PEX14: variants seen among roughly 807,000 people sequenced by gnomAD.
The protein encoded by PEX14 is peroxisomal biogenesis factor 14, also known as peroxisomal membrane protein PEX14.
Under a neutral mutation model 49.5 loss-of-function variants are expected in PEX14, and 15 were observed. The observed-to-expected ratio is 0.30, with a 90% CI of 0.20 to 0.47. The LOEUF (loss-of-function observed/expected upper bound fraction) is 0.47, where lower values mean the gene tolerates loss of function less well. PEX14 is among the 20% of genes least tolerant of loss of function. The probability of loss-of-function intolerance (pLI) is 1.00; values close to 1 mark genes in which losing one functional copy is unlikely to be tolerated. For synonymous variants in PEX14, 210 were observed against 212.7 expected, an observed-to-expected ratio of 0.99 and a Z score of 0.11; for missense variants, 398 against 494.8, an observed-to-expected ratio of 0.80 and a Z score of 1.86.
intron 3 of PEX14, among the ~76,000 whole-genome samples, chr1:10,574,833 G>A (rs1433280469): frequency 3.3e-5 from 5 of 152,272 alleles, no homozygotes; most frequent in South Asian, 4.1e-4. Context: ...AGAATTGGCC[G>A]GGTGTGGTGG....
At chr1:10,549,400 G>T (rs1327308017) in intron 3 of PEX14, among the ~76,000 whole-genome samples, 1 of 152,200 alleles carries the variant, frequency 6.6e-6, no homozygotes, top group African/African-American at 2.4e-5. Flanking sequence ...AAAGAACACA[G>T]GTCGAATTTG....
chr1:10,608,350 G>A (rs1487797967), intron 4 of PEX14, among the ~76,000 whole-genome samples: 1 of 152,154 alleles, frequency 6.6e-6, no homozygotes, highest in Non-Finnish European at 1.5e-5. Context: ...TATCCGCATT[G>A]AGTTACATGT....
intron 3 of PEX14, among the ~76,000 whole-genome samples, chr1:10,568,023 A>G (rs1639858115): frequency 6.6e-6 from 1 of 152,152 alleles, no homozygotes. Context: ...TTACATACTG[A>G]TTTTGAATGT....
intron 2 of PEX14, among the ~76,000 whole-genome samples, chr1:10,498,947 A>G (rs1176156145): frequency 6.6e-6 from 1 of 152,226 alleles, no homozygotes; most frequent in African/African-American, 2.4e-5. Context: ...TTCTAGCCAC[A>G]GTTGTGTGCC....
intron 3 of PEX14, among the ~76,000 whole-genome samples, chr1:10,568,117 C>T (rs1316209211): frequency 6.6e-6 from 1 of 152,130 alleles, no homozygotes; most frequent in Non-Finnish European, 1.5e-5. Flanking sequence ...ATAACACTCT[C>T]CCCTCTTCTT....
chr1:10,504,711 T>G (rs1469307712), intron 2 of PEX14, among the ~76,000 whole-genome samples: 1 of 148,498 alleles, frequency 6.7e-6, no homozygotes, highest in Non-Finnish European at 1.5e-5. Flanking sequence ...GATTGATTCC[T>G]TTTCCTTTTC....
At chr1:10,520,531 A>G (rs1460834530) in intron 2 of PEX14, among the ~76,000 whole-genome samples, 1 of 152,068 alleles carries the variant, frequency 6.6e-6, no homozygotes, top group African/African-American at 2.4e-5. Flanking sequence ...TAACATAAAG[A>G]TAAATTTAGC....
chr1:10,491,157 G>A (rs559680338), intron 1 of PEX14, among the ~76,000 whole-genome samples: 109 of 151,884 alleles, frequency 7.2e-4, no homozygotes, highest in Middle Eastern at 3.4e-3. Flanking sequence ...GTGAGCTACT[G>A]TGCCCGGCCT....
At chr1:10,478,994 G>A (rs567698756) in intron 1 of PEX14, among the ~76,000 whole-genome samples, 241 of 151,796 alleles carry the variant, frequency 1.6e-3, no homozygotes, top group African/African-American at 5.6e-3. Flanking sequence ...CTCGTGATCC[G>A]CCCACCTCGG....
intron 3 of PEX14, among the ~76,000 whole-genome samples, chr1:10,545,983 T>C (rs1639159984): frequency 6.6e-6 from 1 of 151,990 alleles, no homozygotes; most frequent in Non-Finnish European, 1.5e-5. Context: ...AGTTTGAGCT[T>C]ACAGGGAGCT....
intron 1 of PEX14, among the ~76,000 whole-genome samples, chr1:10,478,903 GC>G (rs1394220034): frequency 1.3e-5 from 2 of 151,766 alleles, no homozygotes; most frequent in Non-Finnish European, 2.9e-5. Context: ...CTGCCACCAC[GC>G]CCGGCTATTT....
At chr1:10,593,370 C>T (rs995765802) in intron 3 of PEX14, among the ~76,000 whole-genome samples, 5 of 151,874 alleles carry the variant, frequency 3.3e-5, no homozygotes, top group Admixed American at 2.0e-4. Context: ...AGAAGGATAC[C>T]GAGAGGACAT....
At position 10,512,734 on chromosome 1, in the gene PEX14, C is replaced by G. The variant is rs6678228; in HGVS notation, c.84+17413C>G. ...TTATTTTTTATGATGGAGTCTTGCT[C>G]TGTCGCCAGGCTGGAGTGCAGTGGC... On this transcript the variant is annotated intron_variant, in intron 2 of 8. Transcript: ENST00000356607. The surrounding 1 kb of genome is among the most constrained non-coding windows in gnomAD (Gnocchi z 4.6). 7.9e-3 allele frequency among the ~76,000 whole-genome samples: 1,200 copies of G among 151,800 alleles called. 22 individuals are homozygous for G. Among genetic ancestry groups the G allele is most frequent in the African/African-American group, 0.027 (1,131 of 41,332 alleles).
chr1:10,491,529 G>GCTGA (rs1407318475), intron 1 of PEX14, among the ~76,000 whole-genome samples: 2 of 145,862 alleles, frequency 1.4e-5, no homozygotes, highest in Admixed American at 6.9e-5. Context: ...ACCACACCCG[G>GCTGA]CTAATTTTTA....
intron 3 of PEX14, among the ~76,000 whole-genome samples, chr1:10,574,289 A>G (rs1453190438): frequency 6.6e-6 from 1 of 152,216 alleles, no homozygotes; most frequent in Non-Finnish European, 1.5e-5. Flanking sequence ...AAAAGAATAC[A>G]TATATTTTTA....
intron 3 of PEX14, among the ~76,000 whole-genome samples, chr1:10,556,352 C>G (rs1188333513): frequency 6.6e-6 from 1 of 152,210 alleles, no homozygotes; most frequent in Non-Finnish European, 1.5e-5. Flanking sequence ...AGGATCCATG[C>G]ACATCCGTCC....
At chr1:10,541,606 T>C (rs1639015507) in intron 3 of PEX14, among the ~76,000 whole-genome samples, 1 of 152,222 alleles carries the variant, frequency 6.6e-6, no homozygotes, top group Non-Finnish European at 1.5e-5. Context: ...CATCCATCTG[T>C]TGTGAACGGA....
At chr1:10,527,284 C>A (rs541097281) in intron 2 of PEX14, among the ~76,000 whole-genome samples, 1 of 145,992 alleles carries the variant, frequency 6.8e-6, no homozygotes, top group African/African-American at 2.5e-5. Context: ...TTTGGGAGGC[C>A]GAAACTGGCA....
chr1:10,483,234 C>T (rs1462041166), intron 1 of PEX14, among the ~76,000 whole-genome samples: 2 of 152,128 alleles, frequency 1.3e-5, no homozygotes, highest in African/African-American at 2.4e-5. Flanking sequence ...TGGCTCGCTG[C>T]AGTCGTGACC....
Sources: gnomAD v4.1 joint callset for allele counts (sites outside exome capture counted in the v4.1 genomes callset) on GRCh38, gnomAD v4.1.1 for gene constraint, Gnocchi (gnomAD v3.1) non-coding constraint, MANE v1.5 for transcripts, NCBI Gene and HGNC (gene_info 2026-07-23, HGNC 2026-07-21) for gene names.